Variants in RHBDD1 observed in about 807,000 individuals in gnomAD.
RHBDD1 encodes the protein rhomboid-related protein 4.
In RHBDD1, 38 loss-of-function variants were observed where a neutral mutation model predicts 36.3. The observed-to-expected ratio is 1.05, with a 90% CI of 0.81 to 1.37. The LOEUF (loss-of-function observed/expected upper bound fraction) is 1.37. Ranked by LOEUF, RHBDD1 falls within the 40% of genes most tolerant of loss-of-function variation. The pLI, the probability that RHBDD1 is intolerant of heterozygous loss-of-function variation, is 0.00. For missense variants in RHBDD1, 393 were observed against 377.6 expected (o/e 1.04, Z -0.34); for synonymous variants, 151 against 136.5 (o/e 1.11, Z -0.74).
At chr2:226,976,196 G>A (rs1954544123) in intron 8 of RHBDD1, among the ~76,000 whole-genome samples, 1 of 150,128 alleles carries the variant, frequency 6.7e-6, no homozygotes, top group East Asian at 2.0e-4. Flanking sequence ...CAGGGCTTCT[G>A]GGGCAGTCCA....
chr2:226,919,205 T>A (rs1949131850), intron 8 of RHBDD1, among the ~76,000 whole-genome samples: 1 of 152,138 alleles, frequency 6.6e-6, no homozygotes, highest in Non-Finnish European at 1.5e-5. Context: ...TTGAACTCCT[T>A]ATATATTCTT....
At chr2:226,969,631 C>T (rs1953061166) in intron 8 of RHBDD1, among the ~76,000 whole-genome samples, 1 of 152,124 alleles carries the variant, frequency 6.6e-6, no homozygotes, top group Non-Finnish European at 1.5e-5. Context: ...AGACTTCTTT[C>T]CTTTTCAGAA....
chr2:226,965,426 C>T (rs924140465), intron 8 of RHBDD1, among the ~76,000 whole-genome samples: 2 of 152,188 alleles, frequency 1.3e-5, no homozygotes, highest in African/African-American at 4.8e-5. Flanking sequence ...CCCTAGGAAA[C>T]TGATACAAGC....
the RHBDD1 span, among the ~76,000 whole-genome samples, chr2:226,828,960 C>T: frequency 2.6e-5 from 4 of 152,182 alleles, no homozygotes; most frequent in African/African-American, 9.6e-5. Flanking sequence ...ATGTAGAAGT[C>T]TTTGCCTAAT....
intron 3 of RHBDD1, among the ~76,000 whole-genome samples, chr2:226,840,326 C>A (rs1559180201): frequency 6.6e-6 from 1 of 152,204 alleles, no homozygotes; most frequent in Non-Finnish European, 1.5e-5. Context: ...TGATGGCCAA[C>A]TAACAATGTG....
chr2:226,911,354 A>G (rs1243909263), intron 7 of RHBDD1, among the ~76,000 whole-genome samples: 3 of 152,124 alleles, frequency 2.0e-5, no homozygotes, highest in African/African-American at 7.2e-5. Context: ...GTATTCCAGT[A>G]AAATAATTGG....
chr2:226,988,065 T>C (rs1313752879), intron 8 of RHBDD1, among the ~76,000 whole-genome samples: 1 of 152,104 alleles, frequency 6.6e-6, no homozygotes, highest in East Asian at 1.9e-4. Context: ...TCATAGCAGG[T>C]GGCAAGCAGC....
At chr2:226,819,649 T>C in the RHBDD1 span, among the ~76,000 whole-genome samples, 2 of 152,276 alleles carry the variant, frequency 1.3e-5, no homozygotes, top group Middle Eastern at 3.4e-3. Flanking sequence ...TTAAAAAAAG[T>C]CTCAAAAAAA....
chr2:226,901,600 G>A (rs1211630831), intron 5 of RHBDD1, among the ~76,000 whole-genome samples: 2 of 152,096 alleles, frequency 1.3e-5, no homozygotes, highest in Non-Finnish European at 2.9e-5. Context: ...ATATCTCATT[G>A]TGGTTTTGAT....
chr2:226,933,887 G>A (rs1051255483), intron 8 of RHBDD1, among the ~76,000 whole-genome samples: 1 of 152,080 alleles, frequency 6.6e-6, no homozygotes, highest in Non-Finnish European at 1.5e-5. Flanking sequence ...CTTACATAAA[G>A]AGGATTTTTC....
In RHBDD1 at chr2:226,865,060, C is replaced by G. The variant is rs1944210641; in HGVS notation, c.367C>G (p.Gln123Glu). The change falls in exon 4 of 9, where the codon CAA (glutamine) becomes GAA (glutamate). Residue 123 changes from glutamine (Q) to glutamate (E), a missense_variant. Gln to Glu is a conservative substitution (Grantham distance 29, BLOSUM62 2). Transcript: ENST00000392062. ...VLTGVVYLLL[Q>E]FAVAEFMDEP... ...TACTGGAGTGGTATACCTGCTCTTGCAATTTGCTGTTGCCGAATTTATGGA... is the reference window on the plus strand; with the variant it reads ...TACTGGAGTGGTATACCTGCTCTTGGAATTTGCTGTTGCCGAATTTATGGA... 1 of 1,614,158 alleles carries G rather than the reference C, an allele frequency of 6.2e-7. No individual in the cohort carries two copies. Among genetic ancestry groups the G allele is most frequent in the Non-Finnish European group, 8.5e-7 (1 of 1,180,018 alleles).
At chr2:226,904,675 G>C (rs1406087214) in intron 5 of RHBDD1, among the ~76,000 whole-genome samples, 1 of 152,182 alleles carries the variant, frequency 6.6e-6, no homozygotes, top group Non-Finnish European at 1.5e-5. Context: ...TCTTTCAAGT[G>C]TTCCTCATTG....
In RHBDD1 at chr2:226,995,670, C is replaced by T; in HGVS notation, c.*148C>T. 1 of 640,812 alleles carries T rather than the reference C, an allele frequency of 1.6e-6. No individual in the cohort carries two copies. The highest frequency in any genetic ancestry group is 2.8e-6 in the Non-Finnish European group (1 of 356,612). 39.7% of individuals were successfully genotyped at this position (640,812 alleles called of 1,614,324 possible). ...ATCGCTCACATCACCTGGGACAGTC[C>T]CATGGCCCCTATGAGTCAACTCACA... On this transcript the variant is annotated 3_prime_UTR_variant, in exon 9 of 9. Transcript: ENST00000392062.
At chr2:226,860,103 ATCTTTCTATG>A (rs1213340902) in intron 3 of RHBDD1, among the ~76,000 whole-genome samples, 1 of 152,182 alleles carries the variant, frequency 6.6e-6, no homozygotes, top group Non-Finnish European at 1.5e-5. Flanking sequence ...CATGTCAAGG[ATCTTTCTATG>A]TCTTTGGCTT....
intron 5 of RHBDD1, among the ~76,000 whole-genome samples, chr2:226,903,608 T>C (rs1436287147): frequency 6.6e-6 from 1 of 151,928 alleles, no homozygotes; most frequent in African/African-American, 2.4e-5. Flanking sequence ...TGGGAAAAAA[T>C]GTTCAATCCC....
intron 8 of RHBDD1, among the ~76,000 whole-genome samples, chr2:226,944,311 T>C (rs2149175831): frequency 6.6e-6 from 1 of 152,308 alleles, no homozygotes; most frequent in South Asian, 2.1e-4. Flanking sequence ...ATCTGCTGTT[T>C]TGTAGCTGCT....
In RHBDD1 at chr2:226,906,846, A is replaced by G. The variant is rs778410850; in HGVS notation, c.620A>G (p.Gln207Arg). The G allele has an allele frequency of 6.2e-7, 1 of 1,614,034 alleles. No individual in the cohort carries two copies. The highest frequency in any genetic ancestry group is 8.5e-7 in the Non-Finnish European group (1 of 1,179,884). The change falls in exon 6 of 9, where the codon CAA becomes CGA. Residue 207 changes from glutamine to arginine, a missense_variant. Coordinates refer to ENST00000392062, the MANE Select transcript of RHBDD1 (RefSeq NM_001167608.3). ...ATTCTTGTTGGACTAATGTACACTC[A>G]AGGGCCTCTGAAGAAAATCATGGAA... is the stretch of plus-strand genomic sequence containing the variant. ...AGILVGLMYTQGPLKKIMEAC... is the reference protein window; with the variant it reads ...AGILVGLMYTRGPLKKIMEAC...
chr2:226,966,835 T>C (rs552167750), intron 8 of RHBDD1, among the ~76,000 whole-genome samples: 2 of 118,990 alleles, frequency 1.7e-5, no homozygotes, highest in South Asian at 6.1e-4. Context: ...ACATTCTTTT[T>C]AATTTTTTTT....
upstream of RHBDD1, chr2:226,836,039 G>A (rs964285134): frequency 1.3e-5 from 2 of 152,704 alleles, no homozygotes; most frequent in African/African-American, 4.8e-5. Flanking sequence ...CGTGCGTGAT[G>A]ACGCACGTGC....
Sources: allele counts gnomAD v4.1 joint callset (sites outside exome capture counted in the v4.1 genomes callset), GRCh38; gene constraint gnomAD v4.1.1; transcripts MANE v1.5; gene names NCBI Gene and HGNC (gene_info 2026-07-23, HGNC 2026-07-21).